The following SHC4 variants were observed in gnomAD, a reference collection of about 807,000 sequenced individuals.
The protein encoded by SHC4 is SHC-transforming protein 4.
A neutral mutation model predicts 69.4 loss-of-function variants in SHC4; 41 were observed. The observed-to-expected ratio is 0.59, with a 90% CI of 0.46 to 0.77. The LOEUF is 0.77. Among genes scored for constraint, SHC4 ranks in the 30% least tolerant of loss-of-function variants. The probability of loss-of-function intolerance (pLI) is 0.00; values close to 1 mark genes in which losing one functional copy is unlikely to be tolerated. For missense variants in SHC4, 777 were observed against 783.8 expected (o/e 0.99, Z 0.10); for synonymous variants, 318 against 299.3 (o/e 1.06, Z -0.64).
At chr15:48,883,543 C>T (rs536088860) in intron 4 of SHC4, among the ~76,000 whole-genome samples, 1 of 152,316 alleles carries the variant, frequency 6.6e-6, no homozygotes, top group South Asian at 2.1e-4. Flanking sequence ...CAGATCCTAA[C>T]ACACATACAT....
intron 2 of SHC4, among the ~76,000 whole-genome samples, chr15:48,920,030 T>C (rs180775550): frequency 2.4e-3 from 368 of 150,746 alleles, no homozygotes; most frequent in Admixed American, 7.0e-3. Context: ...TTTTTTTTTT[T>C]CTGAGACGGA....
chr15:48,904,850 C>T (rs1900378928), intron 2 of SHC4, among the ~76,000 whole-genome samples: 1 of 151,812 alleles, frequency 6.6e-6, no homozygotes, highest in South Asian at 2.1e-4. Flanking sequence ...CATGCCACTG[C>T]ACTCCAGCCT....
At chr15:48,867,041 G>A (rs905878756) in intron 6 of SHC4, among the ~76,000 whole-genome samples, 1 of 152,204 alleles carries the variant, frequency 6.6e-6, no homozygotes, top group African/African-American at 2.4e-5. Flanking sequence ...ATCATGGTGA[G>A]TGCTAGGGAA....
At chr15:48,853,024 C>T (rs920012878) in intron 8 of SHC4, among the ~76,000 whole-genome samples, 1 of 151,348 alleles carries the variant, frequency 6.6e-6, no homozygotes, top group African/African-American at 2.4e-5. Flanking sequence ...AAAAAACATA[C>T]AAATAGGAAA....
At chr15:48,870,155 TAAG>T in intron 5 of SHC4, among the ~76,000 whole-genome samples, 1 of 152,204 alleles carries the variant, frequency 6.6e-6, no homozygotes, top group East Asian at 1.9e-4. Flanking sequence ...TTAAATCTCT[TAAG>T]AAAAGTATTT....
chr15:48,851,370 T>C (rs1567052697), intron 8 of SHC4, 122 bp from the exon 9 acceptor site: 7 of 901,878 alleles, frequency 7.8e-6, no homozygotes, highest in Non-Finnish European at 1.2e-5. Context: ...ACAGGAAATG[T>C]TTGACAGGTA....
At chr15:48,948,066 C>A (rs982898399) in intron 1 of SHC4, 1 of 152,244 alleles carries the variant, frequency 6.6e-6, no homozygotes, top group Non-Finnish European at 1.5e-5. Flanking sequence ...CTCATGAATA[C>A]ACAGGGTCTT....
At chr15:48,955,382 T>G (rs1901432957) in intron 1 of SHC4, among the ~76,000 whole-genome samples, 1 of 152,168 alleles carries the variant, frequency 6.6e-6, no homozygotes, top group African/African-American at 2.4e-5. Context: ...CTCCTGGTGA[T>G]GGAACTGTCA....
chr15:48,871,330 G>A (rs187307635), intron 5 of SHC4, among the ~76,000 whole-genome samples: 194 of 152,250 alleles, frequency 1.3e-3, no homozygotes, highest in Non-Finnish European at 1.6e-3. Flanking sequence ...GATTAGAAGA[G>A]GAAAGAGTAC....
At chr15:48,858,370 G>A (rs1414651008) in intron 6 of SHC4, among the ~76,000 whole-genome samples, 1 of 152,100 alleles carries the variant, frequency 6.6e-6, no homozygotes, top group African/African-American at 2.4e-5. Context: ...GAAAAGCACA[G>A]CAATCCCCAT....
At chr15:48,892,076 C>G (rs1009390669) in intron 2 of SHC4, among the ~76,000 whole-genome samples, 2 of 152,036 alleles carry the variant, frequency 1.3e-5, no homozygotes, top group Non-Finnish European at 2.9e-5. Context: ...AGGATGGTCT[C>G]GATCTCCTGA....
intron 1 of SHC4, among the ~76,000 whole-genome samples, chr15:48,945,385 T>C (rs1404391238): frequency 6.6e-6 from 1 of 151,392 alleles, no homozygotes; most frequent in South Asian, 2.1e-4. Context: ...CCCAAGAAAG[T>C]TGAAAACATG....
intron 1 of SHC4, among the ~76,000 whole-genome samples, chr15:48,932,541 C>T (rs1900984956): frequency 6.6e-6 from 1 of 152,170 alleles, no homozygotes. Flanking sequence ...GGTCATTTGC[C>T]TGAACTCACC....
chr15:48,858,959 T>C (rs1418822015), intron 6 of SHC4, among the ~76,000 whole-genome samples: 1 of 152,162 alleles, frequency 6.6e-6, no homozygotes, highest in Non-Finnish European at 1.5e-5. Flanking sequence ...CCAGGGAAAG[T>C]ATCTTGGGTC....
Position 48,904,722 on chromosome 15 carries a change from CA to C in SHC4, c.657-13912del, listed in dbSNP as rs536050503. ...GCAAGACCTCATCTCCACACACACA[CA>C]CAAAAAAATGTAATTAGCCAAATGT... On this transcript the variant is annotated intron_variant, in intron 2 of 11. Transcript: ENST00000332408. 5.4e-3 allele frequency among the ~76,000 whole-genome samples: 814 copies of C among 152,038 alleles called. 5 individuals are homozygous for C. Among genetic ancestry groups the C allele is most frequent in the Non-Finnish European group, 8.3e-3 (566 of 67,956 alleles).
At chr15:48,918,196 G>A (rs1271605720) in intron 2 of SHC4, among the ~76,000 whole-genome samples, 1 of 152,094 alleles carries the variant, frequency 6.6e-6, no homozygotes, top group Non-Finnish European at 1.5e-5. Context: ...CACAACAAAA[G>A]ATCCCGTCCA....
chr15:48,834,995 G>A lies in SHC4; in HGVS notation c.1511C>T (p.Ala504Val). 1 of 1,612,256 alleles carries A rather than the reference G, an allele frequency of 6.2e-7. No homozygotes were observed. The highest frequency in any genetic ancestry group is 1.7e-4 in the Middle Eastern group (1 of 5,880). Reference sequence around the variant, plus strand: ...ATGTGAGCTGGCAGGCTGGGCTGTGGCACCCGGCTGAACAGTTTCTGGTGC... The same window carrying A: ...ATGTGAGCTGGCAGGCTGGGCTGTGACACCCGGCTGAACAGTTTCTGGTGC... ...GKAPETVQPG[A>V]TAQPASSHSL... Residue 504 changes from alanine to valine, a missense_variant, in exon 11 of 12, where the codon GCC becomes GTC. Physicochemically the swap from Ala to Val is moderately conservative, Grantham distance 64. Coordinates refer to ENST00000332408, the MANE Select transcript of SHC4 (RefSeq NM_203349.4).
At chr15:48,926,104 G>C (rs537608523) in intron 1 of SHC4, among the ~76,000 whole-genome samples, 82 of 152,276 alleles carry the variant, frequency 5.4e-4, no homozygotes, top group Non-Finnish European at 9.7e-4. Context: ...GAAATAACAG[G>C]CTGGCAGCTG....
At chr15:48,903,934 A>G (rs1284207141) in intron 2 of SHC4, among the ~76,000 whole-genome samples, 5 of 152,268 alleles carry the variant, frequency 3.3e-5, no homozygotes, top group Admixed American at 1.3e-4. Flanking sequence ...CCCAGCTAAC[A>G]TTCTCTGTTT....
Sources: allele counts gnomAD v4.1 joint callset (sites outside exome capture counted in the v4.1 genomes callset), GRCh38; gene constraint gnomAD v4.1.1; transcripts MANE v1.5; gene names NCBI Gene and HGNC (gene_info 2026-07-23, HGNC 2026-07-21).